Variants in KCNQ5 observed in about 807,000 individuals in gnomAD.
The protein encoded by KCNQ5 is potassium voltage-gated channel subfamily KQT member 5.
A neutral mutation model predicts 98.2 loss-of-function variants in KCNQ5; 30 were observed. The ratio of observed to expected loss-of-function variants is 0.31; its 90% confidence interval spans 0.23 to 0.41. The LOEUF is 0.41. KCNQ5 is among the 10% of genes least tolerant of loss of function. KCNQ5 has a pLI of 1.00. For synonymous variants in KCNQ5, 458 were observed against 449.4 expected, an observed-to-expected ratio of 1.02 and a Z score of -0.24; for missense variants, 835 against 1,182.5, an observed-to-expected ratio of 0.71 and a Z score of 4.31.
intron 1 of KCNQ5, among the ~76,000 whole-genome samples, chr6:72,766,829 C>G (rs1342373388): frequency 6.6e-6 from 1 of 151,742 alleles, no homozygotes; most frequent in Non-Finnish European, 1.5e-5. Context: ...GTGGAGTTTG[C>G]TAGTAGAAAG....
intron 1 of KCNQ5, among the ~76,000 whole-genome samples, chr6:72,744,548 T>C (rs951342476): frequency 6.6e-6 from 1 of 152,132 alleles, no homozygotes; most frequent in Non-Finnish European, 1.5e-5. Context: ...CGGTGGCTCA[T>C]GCCTGTAATC....
rs16882694 is a variant in KCNQ5, at chr6:72,656,810, C to T, written c.398+34223C>T. Among the ~76,000 whole-genome samples the T allele has an allele frequency of 5.0e-3, 769 of 152,300 alleles. 5 individuals carry two copies. Among genetic ancestry groups the T allele is most frequent in the African/African-American group, 0.017 (725 of 41,574 alleles). On this transcript the variant is annotated intron_variant, in intron 1 of 13. Transcript: ENST00000370398. ...GACACTTTTGGCCTGGAACTAATCA[C>T]TGCCATTGACCATTGCATCTGGGAT... is the stretch of plus-strand genomic sequence containing the variant.
chr6:72,634,507 A>G (rs1182714645), intron 1 of KCNQ5, among the ~76,000 whole-genome samples: 1 of 151,822 alleles, frequency 6.6e-6, no homozygotes, highest in Admixed American at 6.6e-5. Context: ...CTTTTTTTGT[A>G]TCCTATATAG....
At chr6:72,701,167 A>G (rs1162256452) in intron 1 of KCNQ5, among the ~76,000 whole-genome samples, 1 of 152,224 alleles carries the variant, frequency 6.6e-6, no homozygotes, top group Non-Finnish European at 1.5e-5. Flanking sequence ...GTAGAAGGCT[A>G]TTTGTTAAAT....
At chr6:73,193,817 T>A (rs1765687281) in intron 13 of KCNQ5, among the ~76,000 whole-genome samples, 1 of 150,480 alleles carries the variant, frequency 6.6e-6, no homozygotes, top group African/African-American at 2.4e-5. Flanking sequence ...GGAAAGACAA[T>A]CTGACAGGAA....
At chr6:72,959,632 G>C (rs1051626514) in intron 1 of KCNQ5, among the ~76,000 whole-genome samples, 2 of 152,178 alleles carry the variant, frequency 1.3e-5, no homozygotes, top group African/African-American at 4.8e-5. Flanking sequence ...GCAGCCCTGA[G>C]ATTCAGAAAT....
chr6:73,072,285 TAAC>T (rs1773330666), intron 3 of KCNQ5, among the ~76,000 whole-genome samples: 1 of 152,220 alleles, frequency 6.6e-6, no homozygotes, highest in Non-Finnish European at 1.5e-5. Flanking sequence ...TCTGTCCTTA[TAAC>T]TACTAGTTTG....
chr6:73,145,716 T>G (rs1349600939), intron 10 of KCNQ5, among the ~76,000 whole-genome samples: 3 of 152,188 alleles, frequency 2.0e-5, no homozygotes, highest in Non-Finnish European at 4.4e-5. Context: ...AGTTGAAAGT[T>G]GGGGAAAAAT....
At chr6:72,735,206 C>T (rs1770765969) in intron 1 of KCNQ5, among the ~76,000 whole-genome samples, 1 of 152,120 alleles carries the variant, frequency 6.6e-6, no homozygotes, top group Admixed American at 6.5e-5. Flanking sequence ...TATATTTAAG[C>T]TTAAAACTAG....
At chr6:72,859,619 C>CT (rs1554172847) in intron 1 of KCNQ5, among the ~76,000 whole-genome samples, 3 of 151,702 alleles carry the variant, frequency 2.0e-5, no homozygotes, top group Admixed American at 6.6e-5. Context: ...CTCTGTCTGT[C>CT]GCCCAGGCTG....
chr6:72,738,523 G>C (rs1019448218), intron 1 of KCNQ5, among the ~76,000 whole-genome samples: 7 of 151,904 alleles, frequency 4.6e-5, no homozygotes, highest in Admixed American at 1.3e-4. Context: ...TCACAGATTC[G>C]TTATAATATC....
At chr6:72,783,927 A>G (rs1773611123) in intron 1 of KCNQ5, among the ~76,000 whole-genome samples, 1 of 152,170 alleles carries the variant, frequency 6.6e-6, no homozygotes. Flanking sequence ...CTGAGATGAC[A>G]AGGCTTGTGT....
chr6:73,085,242 T>A (rs1217613490), intron 5 of KCNQ5, among the ~76,000 whole-genome samples: 1 of 152,192 alleles, frequency 6.6e-6, no homozygotes, highest in African/African-American at 2.4e-5. Context: ...AAAGACTTCA[T>A]AATTTTATGT....
intron 1 of KCNQ5, among the ~76,000 whole-genome samples, chr6:72,812,775 A>C (rs983764957): frequency 6.6e-6 from 1 of 152,220 alleles, no homozygotes; most frequent in Non-Finnish European, 1.5e-5. Flanking sequence ...TCTCACTGTA[A>C]AGAAACATTG....
At chr6:73,086,072 T>C (rs530679223) in intron 5 of KCNQ5, among the ~76,000 whole-genome samples, 1 of 152,306 alleles carries the variant, frequency 6.6e-6, no homozygotes, top group East Asian at 1.9e-4. Flanking sequence ...GGAATTCTTT[T>C]GAGAATTCCA....
At chr6:72,849,601 A>G (rs1199078790) in intron 1 of KCNQ5, among the ~76,000 whole-genome samples, 1 of 152,202 alleles carries the variant, frequency 6.6e-6, no homozygotes, top group African/African-American at 2.4e-5. Flanking sequence ...TGCAAGAACT[A>G]CATGCCCATC....
At chr6:73,018,331 G>T (rs149499174) in intron 2 of KCNQ5, among the ~76,000 whole-genome samples, 36 of 152,154 alleles carry the variant, frequency 2.4e-4, no homozygotes, top group Admixed American at 2.0e-3. Flanking sequence ...GCAGGGATGC[G>T]CATACAACTG....
intron 1 of KCNQ5, among the ~76,000 whole-genome samples, chr6:72,642,757 G>C (rs1565051626): frequency 6.6e-6 from 1 of 152,086 alleles, no homozygotes; most frequent in Non-Finnish European, 1.5e-5. Context: ...CCCATTACTG[G>C]ATATGTACCC....
chr6:73,056,258 G>A (rs189592564), intron 3 of KCNQ5, among the ~76,000 whole-genome samples: 1 of 152,308 alleles, frequency 6.6e-6, no homozygotes, highest in East Asian at 1.9e-4. Flanking sequence ...GCCACTGCCT[G>A]GGGGCTCTAG....
Sources: gnomAD v4.1 joint callset for allele counts (sites outside exome capture counted in the v4.1 genomes callset) on GRCh38, gnomAD v4.1.1 for gene constraint, MANE v1.5 for transcripts, NCBI Gene and HGNC (gene_info 2026-07-23, HGNC 2026-07-21) for gene names.